NID1: variants seen among roughly 807,000 people sequenced by gnomAD.
NID1 encodes nidogen-1.
A neutral mutation model predicts 130.6 loss-of-function variants in NID1; 76 were observed. That is an observed-to-expected ratio of 0.58 (90% CI 0.48 to 0.70). The LOEUF (loss-of-function observed/expected upper bound fraction) is 0.70, where lower values mean the gene tolerates loss of function less well. Among genes scored for constraint, NID1 ranks in the 30% least tolerant of loss-of-function variants. The pLI is 0.00. For missense variants in NID1, 1,517 were observed against 1,664.8 expected, an observed-to-expected ratio of 0.91 and a Z score of 1.54; for synonymous variants, 665 against 675.1, an observed-to-expected ratio of 0.98 and a Z score of 0.23.
At chr1:235,996,450 A>AT (rs536824976) in intron 12 of NID1, among the ~76,000 whole-genome samples, 82 of 149,532 alleles carry the variant, frequency 5.5e-4, no homozygotes, top group South Asian at 6.4e-4. Context: ...CACTCCATGT[A>AT]TTTTTTTTTT....
chr1:236,058,630 T>C (rs545940240), intron 1 of NID1, among the ~76,000 whole-genome samples: 1 of 152,356 alleles, frequency 6.6e-6, no homozygotes, highest in East Asian at 1.9e-4. Flanking sequence ...AGAAAGTCTA[T>C]ATGCAGATGC....
intron 9 of NID1, among the ~76,000 whole-genome samples, chr1:236,020,426 A>G (rs1195812111): frequency 6.6e-6 from 1 of 152,182 alleles, no homozygotes. Context: ...TGCCTTCTAC[A>G]TACTCGACGA....
chr1:236,054,986 C>T (rs72765467), intron 1 of NID1, among the ~76,000 whole-genome samples: 31,855 of 151,600 alleles, frequency 0.21, 4,035 homozygotes, highest in East Asian at 0.34. Flanking sequence ...ATTTACAAAA[C>T]GATAAAATAT....
At chr1:235,983,595 C>T (rs564977898) in intron 15 of NID1, among the ~76,000 whole-genome samples, 28 of 152,158 alleles carry the variant, frequency 1.8e-4, no homozygotes, top group Non-Finnish European at 3.8e-4. Context: ...CTTTGCGAGG[C>T]ACCTGGAGGA....
At chr1:236,037,870 G>A (rs1052574434) in intron 5 of NID1, among the ~76,000 whole-genome samples, 13 of 152,158 alleles carry the variant, frequency 8.5e-5, no homozygotes, top group African/African-American at 3.1e-4. Context: ...CCCCTGAGAT[G>A]GAGAAATAGC....
intron 12 of NID1, among the ~76,000 whole-genome samples, chr1:236,002,612 C>T (rs1658110251): frequency 6.6e-6 from 1 of 152,188 alleles, no homozygotes; most frequent in South Asian, 2.1e-4. Flanking sequence ...GGACTTAAGA[C>T]AAGAGCTTTG....
At chr1:236,025,330 C>T (rs1207425429) in intron 8 of NID1, among the ~76,000 whole-genome samples, 1 of 146,756 alleles carries the variant, frequency 6.8e-6, no homozygotes, top group Non-Finnish European at 1.5e-5. Flanking sequence ...GGTGCGATCT[C>T]GGCTGACTAC....
In NID1 at chr1:235,998,544, G is replaced by A. The variant is rs149111620; in HGVS notation, c.2528-4672C>T. Among the ~76,000 whole-genome samples the A allele has an allele frequency of 5.5e-3, 830 of 152,080 alleles. 5 individuals carry two copies. The highest frequency in any genetic ancestry group is 9.7e-3 in the Non-Finnish European group (663 of 68,000). On this transcript the variant is annotated intron_variant, in intron 12 of 19. Transcript: ENST00000264187. ...ACAAAAACTAGCTGGGTGTGGTGGC[G>A]GGTGCCTGTAATCCCAGCTACTCGG... is the stretch of plus-strand genomic sequence containing the variant.
chr1:235,992,593 C>T (rs1475070436), intron 13 of NID1, among the ~76,000 whole-genome samples: 24 of 152,228 alleles, frequency 1.6e-4, no homozygotes. Context: ...GCTCCCTGGT[C>T]GCTGTCTGCT....
At chr1:236,030,288 C>T (rs575129383) in intron 6 of NID1, among the ~76,000 whole-genome samples, 67 of 152,334 alleles carry the variant, frequency 4.4e-4, no homozygotes, top group African/African-American at 1.5e-3. Context: ...AGGAACTCCT[C>T]TTGGTCTGTG....
At chr1:235,998,080 C>T (rs1455891792) in intron 12 of NID1, among the ~76,000 whole-genome samples, 2 of 152,148 alleles carry the variant, frequency 1.3e-5, no homozygotes, top group African/African-American at 4.8e-5. Flanking sequence ...GCTCTGCACC[C>T]AGATGTTCAT....
intron 1 of NID1, among the ~76,000 whole-genome samples, chr1:236,063,444 G>A (rs887048360): frequency 6.7e-6 from 1 of 149,196 alleles, no homozygotes; most frequent in Non-Finnish European, 1.5e-5. Context: ...TAAACTCCAG[G>A]CTGGGGGATA....
At chr1:235,985,540 C>A (rs375145052) in intron 14 of NID1, 35 bp from the exon 15 acceptor site, 4 of 1,611,406 alleles carry the variant, frequency 2.5e-6, no homozygotes, top group Non-Finnish European at 3.4e-6. Flanking sequence ...AATGGTCCAT[C>A]TACAAGCATC....
chr1:235,991,087 G>A (rs371585180), intron 13 of NID1, 29 bp from the exon 14 acceptor site: 553 of 1,544,028 alleles, frequency 3.6e-4, no homozygotes, highest in Non-Finnish European at 4.4e-4. Flanking sequence ...CAGTGAGGGA[G>A]GCCCGTGTGC....
intron 12 of NID1, among the ~76,000 whole-genome samples, chr1:236,009,453 T>C (rs938747642): frequency 6.6e-6 from 1 of 152,212 alleles, no homozygotes; most frequent in African/African-American, 2.4e-5. Flanking sequence ...ACACACCATG[T>C]AACCCTCCCC....
chr1:236,039,123 T>C (rs945886478), intron 4 of NID1, among the ~76,000 whole-genome samples: 1 of 143,710 alleles, frequency 7.0e-6, no homozygotes, highest in Non-Finnish European at 1.5e-5. Flanking sequence ...TATATTACAT[T>C]ATATAAAATA....
intron 6 of NID1, 79 bp downstream of exon 6, chr1:236,032,322 T>TTC: frequency 2.0e-6 from 3 of 1,538,190 alleles, no homozygotes; most frequent in Non-Finnish European, 2.6e-6. Flanking sequence ...AGACTCAGAG[T>TTC]TCTCCTTCCA....
intron 1 of NID1, among the ~76,000 whole-genome samples, chr1:236,051,264 C>G (rs191947345): frequency 0.017 from 2,311 of 136,252 alleles, 47 homozygotes; most frequent in African/African-American, 0.045. Flanking sequence ...CCTCCCCCTG[C>G]CCCTCCCCCT....
At chr1:236,049,929 G>A (rs1207297537) in intron 1 of NID1, among the ~76,000 whole-genome samples, 2 of 151,922 alleles carry the variant, frequency 1.3e-5, no homozygotes, top group South Asian at 2.1e-4. Flanking sequence ...CCAGCTACTC[G>A]GGCGGCTGAG....
Sources: gnomAD v4.1 joint callset for allele counts (sites outside exome capture counted in the v4.1 genomes callset) on GRCh38, gnomAD v4.1.1 for gene constraint, MANE v1.5 for transcripts, NCBI Gene and HGNC (gene_info 2026-07-23, HGNC 2026-07-21) for gene names.